The following CFAP95 variants were observed in gnomAD, a reference collection of about 807,000 sequenced individuals.
CFAP95 encodes the protein cilia and flagella associated protein 95.
chr9:69,878,292 C>T, the CFAP95 span, among the ~76,000 whole-genome samples: 2 of 152,176 alleles, frequency 1.3e-5, no homozygotes, highest in African/African-American at 4.8e-5. Flanking sequence ...CTGGATACTT[C>T]CTTGAAAAGT....
the CFAP95 span, among the ~76,000 whole-genome samples, chr9:69,851,142 A>G: frequency 1.3e-5 from 2 of 152,166 alleles, no homozygotes; most frequent in Non-Finnish European, 2.9e-5. Context: ...AGTTTGCTTA[A>G]GCAGGTGTAA....
the CFAP95 span, among the ~76,000 whole-genome samples, chr9:69,842,374 C>G: frequency 6.6e-6 from 1 of 152,106 alleles, no homozygotes; most frequent in African/African-American, 2.4e-5. Flanking sequence ...CCACACAAAC[C>G]CCTCAGAACT....
chr9:69,868,261 T>C, the CFAP95 span, among the ~76,000 whole-genome samples: 3 of 113,638 alleles, frequency 2.6e-5, no homozygotes, highest in East Asian at 1.2e-3. Flanking sequence ...GACATTGGTC[T>C]TGGAAATGAA....
chr9:69,868,474 A>G, the CFAP95 span, among the ~76,000 whole-genome samples: 3 of 152,140 alleles, frequency 2.0e-5, no homozygotes, highest in African/African-American at 7.2e-5. Flanking sequence ...CCTGGCCAAC[A>G]TGGTGAAACC....
chr9:69,905,397 T>G, the CFAP95 span, among the ~76,000 whole-genome samples: 1 of 152,216 alleles, frequency 6.6e-6, no homozygotes. Context: ...AATGATAATA[T>G]CTTGTTTTAT....
the CFAP95 span, among the ~76,000 whole-genome samples, chr9:69,826,220 A>G: frequency 1.3e-5 from 2 of 152,212 alleles, no homozygotes; most frequent in African/African-American, 4.8e-5. Flanking sequence ...GGAAGTTTAT[A>G]TGTATTTAAG....
At chr9:69,858,054 T>G in the CFAP95 span, 1 of 1,396,336 alleles carries the variant, frequency 7.2e-7, no homozygotes, top group East Asian at 2.3e-5. Flanking sequence ...GGCAAAGGTA[T>G]GACAGGGTGA....
At chr9:69,897,114 AAG>A in the CFAP95 span, among the ~76,000 whole-genome samples, 3 of 152,210 alleles carry the variant, frequency 2.0e-5, no homozygotes, top group Admixed American at 2.0e-4. Context: ...GTAATTGGTA[AAG>A]ACTTTTATAC....
chr9:69,837,794 G>A, the CFAP95 span, among the ~76,000 whole-genome samples: 2 of 152,208 alleles, frequency 1.3e-5, no homozygotes, highest in African/African-American at 4.8e-5. Flanking sequence ...TTTTAGACAT[G>A]AAGTCCTTGC....
the CFAP95 span, among the ~76,000 whole-genome samples, chr9:69,902,747 C>T: frequency 6.6e-6 from 1 of 151,592 alleles, no homozygotes; most frequent in Non-Finnish European, 1.5e-5. Flanking sequence ...TCTCTGCTTT[C>T]TTATAATAAT....
the CFAP95 span, among the ~76,000 whole-genome samples, chr9:69,824,167 G>T: frequency 4.6e-5 from 7 of 152,320 alleles, no homozygotes; most frequent in South Asian, 1.5e-3. Flanking sequence ...CAGAGGTAAT[G>T]GTGTGGTGGG....
chr9:69,834,260 G>T, the CFAP95 span, among the ~76,000 whole-genome samples: 1 of 152,150 alleles, frequency 6.6e-6, no homozygotes, highest in South Asian at 2.1e-4. Flanking sequence ...GCCAGCTATT[G>T]CAAGTTGTTT....
chr9:69,850,234 A>C, the CFAP95 span, among the ~76,000 whole-genome samples: 1 of 152,236 alleles, frequency 6.6e-6, no homozygotes, highest in Non-Finnish European at 1.5e-5. Context: ...ATGAACAAAG[A>C]AATACATGAG....
At chr9:69,843,625 T>G in the CFAP95 span, among the ~76,000 whole-genome samples, 2 of 63,704 alleles carry the variant, frequency 3.1e-5, no homozygotes, top group Non-Finnish European at 5.6e-5. Flanking sequence ...CTTCTTCTTC[T>G]TCTTCCTCCT....
At chr9:69,895,369 C>CTCTCTCTCTGTG in the CFAP95 span, among the ~76,000 whole-genome samples, 125 of 107,912 alleles carry the variant, frequency 1.2e-3, 1 homozygote, top group African/African-American at 4.5e-3. Flanking sequence ...CTCTCTCTCT[C>CTCTCTCTCTGTG]TGTGTGTGTG....
the CFAP95 span, among the ~76,000 whole-genome samples, chr9:69,828,806 C>A: frequency 6.6e-6 from 1 of 152,122 alleles, no homozygotes; most frequent in Non-Finnish European, 1.5e-5. Flanking sequence ...GATTATTTGT[C>A]TTTTTCTTTT....
the CFAP95 span, among the ~76,000 whole-genome samples, chr9:69,837,959 G>C: frequency 2.0e-5 from 3 of 152,176 alleles, no homozygotes; most frequent in Non-Finnish European, 4.4e-5. Flanking sequence ...TGACTAGCCA[G>C]TTTTCCCAGC....
the CFAP95 span, among the ~76,000 whole-genome samples, chr9:69,877,914 CTTTA>C: frequency 6.6e-6 from 1 of 152,052 alleles, no homozygotes; most frequent in African/African-American, 2.4e-5. Context: ...TTTTATTCTT[CTTTA>C]TTGTGTTCTT....
At chr9:69,877,669 G>T in the CFAP95 span, among the ~76,000 whole-genome samples, 1 of 152,126 alleles carries the variant, frequency 6.6e-6, no homozygotes, top group African/African-American at 2.4e-5. Flanking sequence ...CTTGCCTATT[G>T]TTATAATTTG....
Sources: allele counts gnomAD v4.1 joint callset (sites outside exome capture counted in the v4.1 genomes callset), GRCh38; gene constraint gnomAD v4.1.1; transcripts MANE v1.5; gene names NCBI Gene and HGNC (gene_info 2026-07-23, HGNC 2026-07-21).